Variants in MORC1 observed in about 807,000 individuals in gnomAD.
The protein encoded by MORC1 is MORC family CW-type zinc finger 1, also known as MORC family CW-type zinc finger protein 1.
MORC1 carries 59 observed loss-of-function variants against 134.9 expected under a neutral mutation model. The ratio of observed to expected loss-of-function variants is 0.44; its 90% CI spans 0.35 to 0.54. The LOEUF is 0.54. Ranked by LOEUF, MORC1 falls within the 20% of genes least tolerant of loss-of-function variation. The probability of loss-of-function intolerance (pLI) is 0.00; values close to 1 mark genes in which losing one functional copy is unlikely to be tolerated. For missense variants in MORC1, 947 were observed against 1,134.5 expected, an observed-to-expected ratio of 0.83 and a Z score of 2.37; for synonymous variants, 395 against 391.7, an observed-to-expected ratio of 1.01 and a Z score of -0.10.
intron 14 of MORC1, among the ~76,000 whole-genome samples, chr3:109,042,686 T>C (rs773444214): frequency 6.6e-6 from 1 of 152,138 alleles, no homozygotes; most frequent in Non-Finnish European, 1.5e-5. Flanking sequence ...AATCTACATG[T>C]CCATCAATAG....
intron 21 of MORC1, among the ~76,000 whole-genome samples, chr3:108,993,836 A>G (rs1948128928): frequency 6.6e-6 from 1 of 152,056 alleles, no homozygotes; most frequent in Non-Finnish European, 1.5e-5. Flanking sequence ...TTTCAGTCTC[A>G]TTGTTATGAT....
chr3:108,997,216 CAAG>C (rs1948258475), intron 21 of MORC1, among the ~76,000 whole-genome samples: 1 of 151,878 alleles, frequency 6.6e-6, no homozygotes, highest in South Asian at 2.1e-4. Flanking sequence ...AAAGAGGAAA[CAAG>C]AAGAATGTGG....
At chr3:109,113,990 T>C in intron 2 of MORC1, among the ~76,000 whole-genome samples, 1 of 152,226 alleles carries the variant, frequency 6.6e-6, no homozygotes, top group East Asian at 1.9e-4. Context: ...GTATGTCTGA[T>C]ATATAGTAAG....
At chr3:109,086,542 G>T (rs2107745237) in intron 8 of MORC1, among the ~76,000 whole-genome samples, 1 of 151,996 alleles carries the variant, frequency 6.6e-6, no homozygotes, top group East Asian at 1.9e-4. Context: ...ATTGTACCTT[G>T]GTTTCGCAAA....
chr3:109,086,394 A>G (rs892679404), intron 8 of MORC1, among the ~76,000 whole-genome samples: 1 of 151,942 alleles, frequency 6.6e-6, no homozygotes, highest in Admixed American at 6.6e-5. Flanking sequence ...TATTTTTTTA[A>G]GTCGAGTTGA....
chr3:109,115,263 A>G (rs755244209), intron 1 of MORC1, among the ~76,000 whole-genome samples: 1 of 152,266 alleles, frequency 6.6e-6, no homozygotes, highest in East Asian at 1.9e-4. Flanking sequence ...TCTTCTATAC[A>G]AGAGAAAGCA....
At chr3:109,034,796 T>A (rs1949335604) in intron 15 of MORC1, among the ~76,000 whole-genome samples, 1 of 152,154 alleles carries the variant, frequency 6.6e-6, no homozygotes, top group African/African-American at 2.4e-5. Flanking sequence ...TTGCCCAGGG[T>A]GGAGTGCAGA....
chr3:109,044,880 G>A (rs1253979135), intron 14 of MORC1, among the ~76,000 whole-genome samples: 1 of 150,718 alleles, frequency 6.6e-6, no homozygotes, highest in Non-Finnish European at 1.5e-5. Flanking sequence ...AGGAGGTGGA[G>A]GTTGCAGTGA....
chr3:108,990,256 T>G (rs562585645), intron 21 of MORC1, among the ~76,000 whole-genome samples: 60 of 152,206 alleles, frequency 3.9e-4, no homozygotes, highest in Non-Finnish European at 5.9e-5. Flanking sequence ...ATATAAATAA[T>G]ATACTGTCAG....
At chr3:109,057,533 AT>A in intron 12 of MORC1, 47 bp from the exon 13 acceptor site, 2 of 1,495,254 alleles carry the variant, frequency 1.3e-6, no homozygotes, top group Non-Finnish European at 1.8e-6. Context: ...TTAAATAAAC[AT>A]ACACAGTTTA....
intron 14 of MORC1, among the ~76,000 whole-genome samples, chr3:109,041,748 G>A (rs751858203): frequency 1.2e-4 from 19 of 152,174 alleles, no homozygotes; most frequent in Non-Finnish European, 2.8e-4. Flanking sequence ...TCAGGAGGCT[G>A]AGGCAGGAGA....
chr3:109,109,151 C>T (rs2107798614), intron 3 of MORC1, among the ~76,000 whole-genome samples: 1 of 152,156 alleles, frequency 6.6e-6, no homozygotes, highest in Admixed American at 6.5e-5. Context: ...TTAAAGAAAC[C>T]CTCTTAGACC....
intron 8 of MORC1, among the ~76,000 whole-genome samples, chr3:109,075,420 A>C (rs1310377901): frequency 6.6e-6 from 1 of 151,982 alleles, no homozygotes; most frequent in Admixed American, 6.6e-5. Flanking sequence ...TTTCCTCTAG[A>C]GTTTTTATGG....
chr3:109,097,627 C>T (rs1950853201), intron 6 of MORC1, among the ~76,000 whole-genome samples: 1 of 152,104 alleles, frequency 6.6e-6, no homozygotes, highest in South Asian at 2.1e-4. Context: ...AAGCCCTGAG[C>T]AGACTTCATC....
intron 18 of MORC1, among the ~76,000 whole-genome samples, chr3:109,005,983 A>G (rs1359138423): frequency 6.6e-6 from 1 of 152,176 alleles, no homozygotes; most frequent in East Asian, 1.9e-4. Context: ...GTTATGATAC[A>G]GTTGTGTATA....
chr3:109,052,936 C>T (rs957853146), intron 14 of MORC1, among the ~76,000 whole-genome samples: 2 of 151,602 alleles, frequency 1.3e-5, no homozygotes, highest in African/African-American at 4.9e-5. Flanking sequence ...AAAGATAACC[C>T]CATTAAAAAG....
At chr3:109,052,463 T>C (rs1038219556) in intron 14 of MORC1, among the ~76,000 whole-genome samples, 3 of 152,120 alleles carry the variant, frequency 2.0e-5, no homozygotes, top group Non-Finnish European at 4.4e-5. Flanking sequence ...CCAGGTGATG[T>C]TGATAATATT....
chr3:109,039,270 G>A (rs1006724902), intron 14 of MORC1, among the ~76,000 whole-genome samples: 47 of 152,262 alleles, frequency 3.1e-4, no homozygotes, highest in African/African-American at 1.1e-3. Context: ...AAAGCAGAGG[G>A]TGCTGTAGAT....
At chr3:109,031,322 A>G (rs1200946462) in intron 16 of MORC1, among the ~76,000 whole-genome samples, 1 of 152,194 alleles carries the variant, frequency 6.6e-6, no homozygotes, top group Non-Finnish European at 1.5e-5. Flanking sequence ...TAAAGATCCT[A>G]TAATTATACC....
Sources: allele counts gnomAD v4.1 joint callset (sites outside exome capture counted in the v4.1 genomes callset), GRCh38; gene constraint gnomAD v4.1.1; transcripts MANE v1.5; gene names NCBI Gene and HGNC (gene_info 2026-07-23, HGNC 2026-07-21).